Variants in TCF20 observed in about 807,000 individuals in gnomAD.
The protein encoded by TCF20 is transcription factor 20.
TCF20 carries 3 observed loss-of-function variants against 148.6 expected under a neutral mutation model. The ratio of observed to expected loss-of-function variants is 0.02; its 90% CI spans 0.01 to 0.05. TCF20 has a LOEUF of 0.05. TCF20 is among the 10% of genes least tolerant of loss of function. TCF20 has a pLI of 1.00. For synonymous variants in TCF20, 1,049 were observed against 909.5 expected (o/e 1.15, Z -2.76); for missense variants, 2,350 against 2,429.3 (o/e 0.97, Z 0.69).
rs1927251869 is a variant in TCF20 at position 42,297,191 on chromosome 22, G to A, written c.-37+46288C>T. Among the ~76,000 whole-genome samples the A allele has an allele frequency of 6.6e-6, 1 of 152,222 alleles. No individual in the cohort carries two copies. Among genetic ancestry groups the A allele is most frequent in the African/African-American group, 2.4e-5 (1 of 41,464 alleles). On this transcript the variant is annotated intron_variant, in intron 1 of 1. Transcript: ENST00000515426. The surrounding 1 kb of genome is among the most constrained non-coding windows in gnomAD (Gnocchi z 4.3). ...GGCCCAGCTGGGCGACCTTGGGCAA[G>A]GAGGCTGCCCATCTGGAAAATGGGC...
Position 42,293,615 on chromosome 22 carries a change from G to A in TCF20, c.-37+49864C>T, listed in dbSNP as rs537835018. On this transcript the variant is annotated intron_variant, in intron 1 of 1. Transcript: ENST00000515426. ...ATGGGAAGGGGAGGGTAGGGAGGAGGCCTGGGGCACCTTAACCAGCCCACT... is the reference window on the plus strand; with the variant it reads ...ATGGGAAGGGGAGGGTAGGGAGGAGACCTGGGGCACCTTAACCAGCCCACT... Among the ~76,000 whole-genome samples the A allele has an allele frequency of 3.2e-4, 49 of 152,326 alleles. 1 individual carries two copies. The highest frequency in any genetic ancestry group is 2.9e-3 in the Admixed American group (44 of 15,308).
chr22:42,337,577 A>G (rs1928087714), intron 1 of TCF20, among the ~76,000 whole-genome samples: 1 of 152,180 alleles, frequency 6.6e-6, no homozygotes, highest in Non-Finnish European at 1.5e-5. Flanking sequence ...TGCAAGACCC[A>G]ACTCAAAATG....
chr22:42,224,237 C>G (rs1011658739), intron 1 of TCF20, among the ~76,000 whole-genome samples: 1 of 151,834 alleles, frequency 6.6e-6, no homozygotes, highest in African/African-American at 2.4e-5. Flanking sequence ...TTTGGGAGGC[C>G]GAGGTGGGCG....
chr22:42,219,850 C>T (rs1196692023), intron 1 of TCF20, among the ~76,000 whole-genome samples: 1 of 151,974 alleles, frequency 6.6e-6, no homozygotes, highest in Non-Finnish European at 1.5e-5. Context: ...AGCGAGATTC[C>T]GTCTCAATAA....
intron 1 of TCF20, among the ~76,000 whole-genome samples, chr22:42,229,904 G>A (rs1923245351): frequency 6.6e-6 from 1 of 152,154 alleles, no homozygotes; most frequent in Admixed American, 6.6e-5. Flanking sequence ...GCTGAGCCAT[G>A]TATTGTTGAA....
intron 1 of TCF20, among the ~76,000 whole-genome samples, chr22:42,343,317 C>T (rs1414604049): frequency 1.3e-5 from 2 of 152,152 alleles, no homozygotes; most frequent in Non-Finnish European, 2.9e-5. Context: ...GCGATAAGTG[C>T]CAGCCTTTGA....
rs951101333 is a variant in TCF20 at position 42,292,308 on chromosome 22, G to A, written c.-37+51171C>T. Among the ~76,000 whole-genome samples the A allele has an allele frequency of 3.9e-5, 6 of 152,128 alleles. No individual in the cohort carries two copies. Among genetic ancestry groups the A allele is most frequent in the East Asian group, 1.9e-4 (1 of 5,188 alleles). On this transcript the variant is annotated intron_variant, in intron 1 of 1. Transcript: ENST00000515426. This position sits in a 1 kb window ranked among gnomAD's most constrained non-coding sequence, Gnocchi z 4.9. ...GCCTGCGTGTTCCGTGTCCTGATCC[G>A]CTGAGGCCCCAGTGCTAAAATCAGG...
chr22:42,160,736 C>T lies in TCF20; in HGVS notation c.*667G>A, dbSNP rs1373697524. The T allele has an allele frequency of 6.6e-6, 1 of 152,202 alleles. No individual in the cohort carries two copies. The highest frequency in any genetic ancestry group is 1.5e-5 in the Non-Finnish European group (1 of 68,032). 9.4% of individuals were successfully genotyped at this position (152,202 alleles called of 1,614,324 possible). A position where few individuals can be genotyped will look rare whatever the true frequency, so the allele number is the denominator to read the frequency against. On this transcript the variant is annotated 3_prime_UTR_variant, in exon 6 of 6. Coordinates refer to ENST00000677622, the MANE Select transcript of TCF20 (RefSeq NM_001378418.1). Reference sequence around the variant, plus strand: ...ATTCCCCTACTCTTGAAAACATGGACCATCCCTGTATTTCCCCCTCCCCCA... The same window carrying T: ...ATTCCCCTACTCTTGAAAACATGGATCATCCCTGTATTTCCCCCTCCCCCA...
At chr22:42,243,253 T>C (rs560536372) in intron 1 of TCF20, among the ~76,000 whole-genome samples, 3 of 131,528 alleles carry the variant, frequency 2.3e-5, no homozygotes, top group Admixed American at 1.8e-4. Flanking sequence ...CGAGCTATGA[T>C]TGTACCACTG....
In TCF20 at chr22:42,169,146, T is replaced by C. The variant is rs551738193; in HGVS notation, c.5800-410A>G. Among the ~76,000 whole-genome samples the C allele has an allele frequency of 2.0e-4, 30 of 150,920 alleles. 2 individuals carry two copies. In the South Asian group the frequency reaches 5.7e-3, roughly 29 times the overall value. ...GTGACCACCAGGTGTCAGTGTGACC[T>C]CAGCCAGAGACACAGTGCAGCCCCT... On this transcript the variant is annotated intron_variant, in intron 4 of 5. Transcript: ENST00000677622.
At position 42,247,964 on chromosome 22, in the gene TCF20, C is replaced by A. The variant is rs375280261; in HGVS notation, c.-37+22375G>T. Among the ~76,000 whole-genome samples, 6 of 152,222 alleles carry A rather than the reference C, an allele frequency of 3.9e-5. No homozygotes were observed. In the East Asian group the frequency reaches 1.2e-3, roughly 29 times the overall value. ...AAAAAGTGAATATTGTAGACTGATA[C>A]AACCTTCTGGTTCATAGCCTTTACA... is the stretch of plus-strand genomic sequence containing the variant. On this transcript the variant is annotated intron_variant, in intron 1 of 5. Transcript: ENST00000677622.
chr22:42,237,076 G>A (rs141454887), intron 1 of TCF20, among the ~76,000 whole-genome samples: 9 of 148,090 alleles, frequency 6.1e-5, no homozygotes, highest in East Asian at 1.9e-4. Context: ...GAAGTCTGAC[G>A]CATCGACTGG....
rs773586454 is a variant in TCF20 at position 42,161,034 on chromosome 22, T to C, written c.*369A>G. On this transcript the variant is annotated 3_prime_UTR_variant, in exon 6 of 6. Transcript: ENST00000677622. Reference sequence around the variant, plus strand: ...GCGCACCTTTCATTTAAACAAAGTCTTTCCAGACTAAAAATAGATTTATAT... The same window carrying C: ...GCGCACCTTTCATTTAAACAAAGTCCTTCCAGACTAAAAATAGATTTATAT... The C allele has an allele frequency of 1.8e-5, 5 of 284,582 alleles. No homozygotes were observed. Among genetic ancestry groups the C allele is most frequent in the Admixed American group, 9.9e-5 (2 of 20,182 alleles). The allele number at this position is 284,582 out of a possible 1,614,324, so 17.6% of individuals were successfully genotyped here. A position where few individuals can be genotyped will look rare whatever the true frequency, so the allele number is the denominator to read the frequency against.
upstream of TCF20, among the ~76,000 whole-genome samples, chr22:42,288,461 A>G (rs907613101): frequency 2.0e-5 from 3 of 148,126 alleles, no homozygotes; most frequent in African/African-American, 7.5e-5. Context: ...GCTTAAACCC[A>G]GGAGGTGGAG....
chr22:42,228,205 G>A (rs1923082134), intron 1 of TCF20, among the ~76,000 whole-genome samples: 1 of 152,168 alleles, frequency 6.6e-6, no homozygotes, highest in Non-Finnish European at 1.5e-5. Context: ...TCTGGTTAAG[G>A]GACGTTGGCT....
chr22:42,258,558 AT>A (rs1925865389), intron 1 of TCF20, among the ~76,000 whole-genome samples: 1 of 152,090 alleles, frequency 6.6e-6, no homozygotes, highest in South Asian at 2.1e-4. Flanking sequence ...TACACTTAGG[AT>A]TTTCACTTCA....
intron 1 of TCF20, among the ~76,000 whole-genome samples, chr22:42,222,974 C>T (rs114520828): frequency 0.017 from 2,582 of 152,210 alleles, 82 homozygotes; most frequent in African/African-American, 0.059. Context: ...TAACAAGACC[C>T]CGTCTCCACA....
At chr22:42,250,918 G>T (rs1469970739) in intron 1 of TCF20, among the ~76,000 whole-genome samples, 2 of 152,204 alleles carry the variant, frequency 1.3e-5, no homozygotes, top group African/African-American at 2.4e-5. Flanking sequence ...CTGAGCAAGA[G>T]AGAGTGTGAG....
intron 2 of TCF20, among the ~76,000 whole-genome samples, chr22:42,195,246 GAAC>G (rs1569127472): frequency 6.6e-6 from 1 of 151,186 alleles, no homozygotes; most frequent in African/African-American, 2.4e-5. Context: ...TGAAACTCAT[GAAC>G]AACAAAGCCT....
Sources: gnomAD v4.1 joint callset for allele counts (sites outside exome capture counted in the v4.1 genomes callset) on GRCh38, gnomAD v4.1.1 for gene constraint, Gnocchi (gnomAD v3.1) non-coding constraint, MANE v1.5 for transcripts, NCBI Gene and HGNC (gene_info 2026-07-23, HGNC 2026-07-21) for gene names.